The following FARSB variants were observed in gnomAD, a reference collection of about 807,000 sequenced individuals.
FARSB encodes phenylalanine--tRNA ligase beta subunit.
FARSB carries 40 observed loss-of-function variants against 69.6 expected under a neutral mutation model. The ratio of observed to expected loss-of-function variants is 0.57; its 90% CI spans 0.45 to 0.75. FARSB has a LOEUF of 0.75. FARSB is among the 30% of genes least tolerant of loss of function. The pLI, the probability that FARSB is intolerant of heterozygous loss-of-function variation, is 0.00. For synonymous variants in FARSB, 235 were observed against 247.2 expected, an observed-to-expected ratio of 0.95 and a Z score of 0.46; for missense variants, 632 against 722.9, an observed-to-expected ratio of 0.87 and a Z score of 1.44.
chr2:222,640,251 G>A (rs1310335109), intron 4 of FARSB, among the ~76,000 whole-genome samples: 1 of 152,220 alleles, frequency 6.6e-6, no homozygotes, highest in Non-Finnish European at 1.5e-5. Flanking sequence ...AGCACTTTAG[G>A]AGGCTGTAGG....
intron 7 of FARSB, 89 bp downstream of exon 7, chr2:222,633,110 G>T: frequency 1.3e-6 from 1 of 760,220 alleles, no homozygotes; most frequent in African/African-American, 1.8e-5. Flanking sequence ...ATTTGAATTT[G>T]ATTCAGCCAA....
chr2:222,583,756 G>C (rs1441474336), intron 16 of FARSB, among the ~76,000 whole-genome samples: 1 of 151,616 alleles, frequency 6.6e-6, no homozygotes, highest in Non-Finnish European at 1.5e-5. Context: ...TTGAGACATA[G>C]AGGCAGTTAT....
At chr2:222,618,904 AGG>A (rs1691064321) in intron 14 of FARSB, among the ~76,000 whole-genome samples, 1 of 152,158 alleles carries the variant, frequency 6.6e-6, no homozygotes, top group Admixed American at 6.5e-5. Context: ...TGGGAGGCTG[AGG>A]TCACTTTGCG....
intron 14 of FARSB, among the ~76,000 whole-genome samples, chr2:222,614,681 C>T (rs1690951606): frequency 6.6e-6 from 1 of 152,076 alleles, no homozygotes; most frequent in African/African-American, 2.4e-5. Context: ...ACCACCTCCA[C>T]AGATTTAAAA....
At chr2:222,602,660 A>G (rs1341652684) in intron 15 of FARSB, among the ~76,000 whole-genome samples, 2 of 151,244 alleles carry the variant, frequency 1.3e-5, no homozygotes, top group Non-Finnish European at 2.9e-5. Flanking sequence ...TTTAGGGTAC[A>G]TGTGCACAAC....
At chr2:222,602,740 A>T (rs1690595852) in intron 15 of FARSB, among the ~76,000 whole-genome samples, 1 of 152,072 alleles carries the variant, frequency 6.6e-6, no homozygotes, top group South Asian at 2.1e-4. Flanking sequence ...GAGAAGTGAT[A>T]TCTTTATGAT....
chr2:222,568,363 G>T lies in FARSB; in HGVS notation c.*3508C>A, dbSNP rs1689664525. ...AGTAAATAATGCAAATCAGTGAGTG[G>T]TCTGTGGACTCCAAGTCACTCTTTT... On this transcript the variant is annotated 3_prime_UTR_variant, in exon 17 of 17. Coordinates refer to ENST00000281828, the MANE Select transcript of FARSB (RefSeq NM_005687.5). The surrounding 1 kb of genome is among the most constrained non-coding windows in gnomAD (Gnocchi z 4.3). 6.6e-6 allele frequency: 1 copy of T among 152,076 alleles called. No individual in the cohort carries two copies. Among genetic ancestry groups the T allele is most frequent in the South Asian group, 2.1e-4 (1 of 4,826 alleles). The allele number at this position is 152,076 out of a possible 1,614,324, so 9.4% of individuals were successfully genotyped here.
chr2:222,568,987 GTGTGCATCTTCTGTAA>G lies in FARSB; in HGVS notation c.*2868_*2883del, dbSNP rs901499936. ...AGAGCTCCCAGTTTTTACTAAGAAG[GTGTGCATCTTCTGTAA>G]TAAAGGCTTTTGGCAGTACTCACAG... On this transcript the variant is annotated 3_prime_UTR_variant, in exon 17 of 17. Transcript: ENST00000281828. This position sits in a 1 kb window ranked among gnomAD's most constrained non-coding sequence, Gnocchi z 4.3. 4 of 152,148 alleles carry G rather than the reference GTGTGCATCTTCTGTAA, an allele frequency of 2.6e-5. No homozygotes were observed. The highest frequency in any genetic ancestry group is 9.7e-5 in the African/African-American group (4 of 41,428). The allele number at this position is 152,148 out of a possible 1,614,324, so 9.4% of individuals were successfully genotyped here.
At chr2:222,655,883 CT>C in intron 1 of FARSB, 132 bp downstream of exon 1, 1 of 708,762 alleles carries the variant, frequency 1.4e-6, no homozygotes, top group East Asian at 2.8e-5. Context: ...CATCATCGGC[CT>C]TCCCGCGTAA....
intron 1 of FARSB, among the ~76,000 whole-genome samples, chr2:222,653,041 G>A (rs1692078004): frequency 6.6e-6 from 1 of 152,194 alleles, no homozygotes; most frequent in Non-Finnish European, 1.5e-5. Context: ...GGGTGTATAT[G>A]ATATACACAG....
intron 15 of FARSB, 71 bp downstream of exon 15, chr2:222,613,740 A>G (rs757728930): frequency 5.5e-5 from 53 of 962,242 alleles, no homozygotes; most frequent in Non-Finnish European, 7.6e-5. Context: ...GCTTTTATGT[A>G]TAGTTAAGGT....
At chr2:222,634,069 C>CA (rs1691512861) in intron 6 of FARSB, among the ~76,000 whole-genome samples, 1 of 152,080 alleles carries the variant, frequency 6.6e-6, no homozygotes, top group Admixed American at 6.5e-5. Context: ...GTATTTCCCA[C>CA]AAAAAACACT....
chr2:222,639,272 G>A (rs1449686836), intron 5 of FARSB, among the ~76,000 whole-genome samples: 1 of 152,078 alleles, frequency 6.6e-6, no homozygotes, highest in Non-Finnish European at 1.5e-5. Context: ...CAAAAAGCAG[G>A]GAAGTCTCTA....
At chr2:222,635,167 T>C (rs530383776) in intron 5 of FARSB, among the ~76,000 whole-genome samples, 2 of 152,148 alleles carry the variant, frequency 1.3e-5, no homozygotes, top group African/African-American at 4.8e-5. Flanking sequence ...AGCAACAAAA[T>C]AGGAGAGAAA....
At position 222,623,638 on chromosome 2, in the gene FARSB, T is replaced by C. The variant is rs149075124; in HGVS notation, c.1251+12A>G. 4.7e-5 allele frequency: 70 copies of C among 1,495,676 alleles called. No homozygotes were observed. In the East Asian group the frequency reaches 1.3e-3, roughly 28 times the overall value. The allele number at this position is 1,495,676 out of a possible 1,614,324, so 92.7% of individuals were successfully genotyped here. A position where few individuals can be genotyped will look rare whatever the true frequency, so the allele number is the denominator to read the frequency against. On this transcript the variant is annotated intron_variant, in intron 13 of 16. Coordinates refer to ENST00000281828, the MANE Select transcript of FARSB (RefSeq NM_005687.5). The stretch of plus-strand genomic sequence containing the variant: ...AATAATCATCTGGGCAGAAAAAGCA[T>C]GTAAGACATACCAGGGCAAAGGTAA...
chr2:222,578,100 T>G (rs1018729097), intron 16 of FARSB, among the ~76,000 whole-genome samples: 1 of 152,214 alleles, frequency 6.6e-6, no homozygotes, highest in African/African-American at 2.4e-5. Context: ...CTTCTGTTCT[T>G]AAATAATGCC....
rs1182467571 is a variant in FARSB, at chr2:222,628,916, C to T, written c.849-28G>A. On this transcript the variant is annotated intron_variant, in intron 9 of 16. Transcript: ENST00000281828. Reference sequence around the variant, plus strand: ...GAAAACAAAAGCCAGAAATAAAATACTTAAGAAAAAAATGTGCCATAAATT... The same window carrying T: ...GAAAACAAAAGCCAGAAATAAAATATTTAAGAAAAAAATGTGCCATAAATT... The T allele has an allele frequency of 3.8e-6, 6 of 1,576,386 alleles. No homozygotes were observed. The South Asian group carries it at 6.7e-5, about 18-fold the overall frequency.
intron 13 of FARSB, among the ~76,000 whole-genome samples, chr2:222,622,923 A>G (rs1013257425): frequency 6.6e-6 from 1 of 152,226 alleles, no homozygotes; most frequent in African/African-American, 2.4e-5. Context: ...GCAAACTAGA[A>G]GTAGAGTCCC....
At chr2:222,632,620 G>A (rs1574945142) in intron 7 of FARSB, among the ~76,000 whole-genome samples, 1 of 152,088 alleles carries the variant, frequency 6.6e-6, no homozygotes, top group African/African-American at 2.4e-5. Context: ...GAATTAAGAG[G>A]GCAAAATTTA....
Sources: allele counts gnomAD v4.1 joint callset (sites outside exome capture counted in the v4.1 genomes callset), GRCh38; gene constraint gnomAD v4.1.1; non-coding constraint Gnocchi (gnomAD v3.1); transcripts MANE v1.5; gene names NCBI Gene and HGNC (gene_info 2026-07-23, HGNC 2026-07-21).